PRIM2: variants seen among roughly 807,000 people sequenced by gnomAD.
PRIM2 encodes the protein DNA primase large subunit.
Under a neutral mutation model 67.3 loss-of-function variants are expected in PRIM2, and 39 were observed. The ratio of observed to expected loss-of-function variants is 0.58; its 90% CI spans 0.45 to 0.76. The LOEUF (loss-of-function observed/expected upper bound fraction) is 0.76, where lower values mean the gene tolerates loss of function less well. Ranked by LOEUF, PRIM2 falls within the 30% of genes least tolerant of loss-of-function variation. PRIM2 has a pLI of 0.00. For synonymous variants in PRIM2, 143 were observed against 198.7 expected (o/e 0.72, Z 2.36); for missense variants, 398 against 598.7 (o/e 0.66, Z 3.50).
At chr6:57,475,986 T>C (rs1773469241) in intron 7 of PRIM2, among the ~76,000 whole-genome samples, 2 of 152,130 alleles carry the variant, frequency 1.3e-5, no homozygotes, top group African/African-American at 2.4e-5. Context: ...GGCTACCAGT[T>C]TTCCTGACTC....
intron 7 of PRIM2, among the ~76,000 whole-genome samples, chr6:57,477,697 T>A (rs1773508726): frequency 6.6e-6 from 1 of 152,210 alleles, no homozygotes; most frequent in Admixed American, 6.5e-5. Flanking sequence ...CTATAGATTC[T>A]TTATTTAAGG....
chr6:57,293,994 G>A, the PRIM2 span, among the ~76,000 whole-genome samples: 260 of 152,224 alleles, frequency 1.7e-3, 1 homozygote, highest in Middle Eastern at 3.4e-3. Context: ...GGTATTCCTT[G>A]CAATGTAGTT....
intron 7 of PRIM2, among the ~76,000 whole-genome samples, chr6:57,433,406 C>T (rs151015260): frequency 7.1e-6 from 1 of 140,382 alleles, no homozygotes; most frequent in Non-Finnish European, 1.5e-5. Flanking sequence ...CATCCCACAA[C>T]AGTCCCCAGA....
intron 12 of PRIM2, among the ~76,000 whole-genome samples, chr6:57,617,280 T>A (rs1317282949): frequency 6.6e-6 from 1 of 152,234 alleles, no homozygotes; most frequent in Non-Finnish European, 1.5e-5. Flanking sequence ...TCTAGTTTCC[T>A]CTTTTTAGGA....
At chr6:57,261,925 A>G in the PRIM2 span, among the ~76,000 whole-genome samples, 1,120 of 152,170 alleles carry the variant, frequency 7.4e-3, 6 homozygotes, top group Non-Finnish European at 0.01. Flanking sequence ...TCCCTTGCTA[A>G]TTCCCTTAAT....
the PRIM2 span, among the ~76,000 whole-genome samples, chr6:57,235,994 C>G: frequency 3.9e-5 from 6 of 152,062 alleles, no homozygotes; most frequent in Admixed American, 1.3e-4. Context: ...TGATTTTAGC[C>G]CAGAGAGACT....
intron 12 of PRIM2, among the ~76,000 whole-genome samples, chr6:57,623,657 A>G (rs1776896786): frequency 6.6e-6 from 1 of 152,154 alleles, no homozygotes; most frequent in Non-Finnish European, 1.5e-5. Flanking sequence ...TTTCTTGATC[A>G]GTTTTATAGA....
chr6:57,297,460 T>C, the PRIM2 span, among the ~76,000 whole-genome samples: 1 of 151,944 alleles, frequency 6.6e-6, no homozygotes, highest in Non-Finnish European at 1.5e-5. Flanking sequence ...AAAAAGGAAA[T>C]AGAAAAATAT....
chr6:57,547,331 G>A (rs1468467051), intron 10 of PRIM2, among the ~76,000 whole-genome samples: 6 of 151,988 alleles, frequency 3.9e-5, no homozygotes, highest in Non-Finnish European at 5.9e-5. Flanking sequence ...GTGCTGCGAC[G>A]TCATCTCCCA....
chr6:57,510,612 A>G (rs1774344539), intron 8 of PRIM2, among the ~76,000 whole-genome samples: 1 of 152,080 alleles, frequency 6.6e-6, no homozygotes, highest in African/African-American at 2.4e-5. Context: ...TAGATGCTAC[A>G]TGTAATGTGC....
chr6:57,473,178 C>A (rs1377559295), intron 7 of PRIM2, among the ~76,000 whole-genome samples: 1 of 152,184 alleles, frequency 6.6e-6, no homozygotes, highest in Non-Finnish European at 1.5e-5. Flanking sequence ...GTACTTCATG[C>A]AGCAAGAACT....
At chr6:57,291,483 C>T in the PRIM2 span, among the ~76,000 whole-genome samples, 1 of 152,164 alleles carries the variant, frequency 6.6e-6, no homozygotes, top group Non-Finnish European at 1.5e-5. Flanking sequence ...GGGAATCCTC[C>T]CTAACTCATT....
chr6:57,299,072 G>GTC, the PRIM2 span, among the ~76,000 whole-genome samples: 2 of 150,800 alleles, frequency 1.3e-5, no homozygotes, highest in East Asian at 3.9e-4. Flanking sequence ...CTTTCTCTCT[G>GTC]TCTCTCTCTC....
intron 13 of PRIM2, among the ~76,000 whole-genome samples, chr6:57,638,746 G>C (rs1277586576): frequency 0.55 from 84,061 of 151,710 alleles, 24,008 homozygotes; most frequent in African/African-American, 0.7. Context: ...TACAGGAGTG[G>C]CCAGATTCAT....
At chr6:57,272,271 G>T in the PRIM2 span, among the ~76,000 whole-genome samples, 1 of 152,178 alleles carries the variant, frequency 6.6e-6, no homozygotes, top group African/African-American at 2.4e-5. Context: ...GTAAGTCTTT[G>T]TAGGTCACTA....
chr6:57,310,362 T>G (rs565353143), upstream of PRIM2, among the ~76,000 whole-genome samples: 51 of 152,208 alleles, frequency 3.4e-4, 1 homozygote, highest in South Asian at 0.01. Flanking sequence ...GAGCAGGGGG[T>G]TGAGGGTAAG....
chr6:57,535,381 C>T (rs1408987229), intron 9 of PRIM2, among the ~76,000 whole-genome samples: 1 of 152,162 alleles, frequency 6.6e-6, no homozygotes, highest in African/African-American at 2.4e-5. Flanking sequence ...CACAGTGCTT[C>T]TGTGGTGCTC....
chr6:57,638,576 CAA>C (rs1227220865), intron 13 of PRIM2, among the ~76,000 whole-genome samples: 32 of 32,028 alleles, frequency 1.0e-3, no homozygotes, highest in Non-Finnish European at 3.8e-4. Flanking sequence ...AAACAGAAAG[CAA>C]AAAAAAAAAA....
intron 7 of PRIM2, among the ~76,000 whole-genome samples, chr6:57,421,287 T>C (rs1336969920): frequency 1.3e-5 from 2 of 152,188 alleles, no homozygotes; most frequent in African/African-American, 4.8e-5. Flanking sequence ...TTATTAGACA[T>C]ATTTAGAGCC....
Sources: allele counts gnomAD v4.1 joint callset (sites outside exome capture counted in the v4.1 genomes callset), GRCh38; gene constraint gnomAD v4.1.1; transcripts MANE v1.5; gene names NCBI Gene and HGNC (gene_info 2026-07-23, HGNC 2026-07-21).